Variants in CAMKMT observed in about 807,000 individuals in gnomAD.
CAMKMT encodes calmodulin-lysine N-methyltransferase.
In CAMKMT, 53 loss-of-function variants were observed where a neutral mutation model predicts 48.0. That is an observed-to-expected ratio of 1.10 (90% CI 0.89 to 1.39). The LOEUF is 1.39. Among genes scored for constraint, CAMKMT ranks in the 40% most tolerant of loss-of-function variants. CAMKMT has a pLI of 0.00. For missense variants in CAMKMT, 428 were observed against 402.7 expected, an observed-to-expected ratio of 1.06 and a Z score of -0.54; for synonymous variants, 165 against 152.3, an observed-to-expected ratio of 1.08 and a Z score of -0.61.
intron 3 of CAMKMT, among the ~76,000 whole-genome samples, chr2:44,542,602 A>G (rs550469538): frequency 2.0e-5 from 3 of 152,204 alleles, no homozygotes; most frequent in Non-Finnish European, 4.4e-5. Context: ...GTGTAAAGAA[A>G]CTTGGCTGGC....
At chr2:44,487,481 G>GC (rs1669269659) in intron 3 of CAMKMT, among the ~76,000 whole-genome samples, 1 of 152,130 alleles carries the variant, frequency 6.6e-6, no homozygotes, top group Non-Finnish European at 1.5e-5. Context: ...CCACTGACAT[G>GC]CTTTCTGTCA....
intron 7 of CAMKMT, among the ~76,000 whole-genome samples, chr2:44,731,268 G>A (rs1011081061): frequency 2.0e-5 from 3 of 152,146 alleles, no homozygotes; most frequent in Non-Finnish European, 4.4e-5. Flanking sequence ...TTGAACCCAG[G>A]GGGCAGAGGT....
At chr2:44,392,624 T>G (rs28533376) in intron 3 of CAMKMT, among the ~76,000 whole-genome samples, 4,193 of 152,112 alleles carry the variant, frequency 0.028, 183 homozygotes, top group African/African-American at 0.094. Context: ...CCCTAAGCTT[T>G]TACCATGTAG....
intron 3 of CAMKMT, among the ~76,000 whole-genome samples, chr2:44,675,072 A>C (rs1016571129): frequency 1.4e-5 from 2 of 146,174 alleles, no homozygotes; most frequent in African/African-American, 5.1e-5. Context: ...GGATTTACCA[A>C]CCTTAAGGGG....
intron 3 of CAMKMT, among the ~76,000 whole-genome samples, chr2:44,471,887 A>T (rs113064991): frequency 0.014 from 2,161 of 151,978 alleles, 58 homozygotes; most frequent in African/African-American, 0.05. Context: ...CTCCACATAG[A>T]GAAGACTGGT....
intron 3 of CAMKMT, chr2:44,549,671 GAT>G: frequency 3.5e-6 from 2 of 573,680 alleles, no homozygotes; most frequent in East Asian, 5.9e-5. Flanking sequence ...AGAAGATTAT[GAT>G]ACTCTTGCTT....
At chr2:44,526,445 A>G (rs1382145843) in intron 3 of CAMKMT, among the ~76,000 whole-genome samples, 2 of 152,266 alleles carry the variant, frequency 1.3e-5, no homozygotes, top group East Asian at 1.9e-4. Flanking sequence ...AGAAGGCACA[A>G]TCGATTGTCT....
intron 6 of CAMKMT, among the ~76,000 whole-genome samples, chr2:44,707,674 C>T (rs1220072073): frequency 1.3e-5 from 2 of 152,110 alleles, no homozygotes; most frequent in Non-Finnish European, 2.9e-5. Flanking sequence ...ATAGACATCT[C>T]TCATGAAAGG....
At chr2:44,698,428 T>C (rs1208141235) in intron 3 of CAMKMT, among the ~76,000 whole-genome samples, 3 of 152,246 alleles carry the variant, frequency 2.0e-5, no homozygotes, top group Non-Finnish European at 4.4e-5. Context: ...TCCAGACCAC[T>C]GCAATTAAGT....
chr2:44,474,106 GTTC>G (rs775858545), intron 3 of CAMKMT, among the ~76,000 whole-genome samples: 5 of 152,088 alleles, frequency 3.3e-5, no homozygotes, highest in Non-Finnish European at 4.4e-5. Context: ...AAACATCACA[GTTC>G]TTCTTTGGAA....
chr2:44,567,347 G>A (rs1181535449), intron 3 of CAMKMT, among the ~76,000 whole-genome samples: 2 of 152,136 alleles, frequency 1.3e-5, no homozygotes, highest in African/African-American at 2.4e-5. Context: ...ACAGAGCAGT[G>A]GGTGATCTCT....
chr2:44,466,822 G>A (rs1014592170), intron 3 of CAMKMT, among the ~76,000 whole-genome samples: 5 of 152,096 alleles, frequency 3.3e-5, no homozygotes, highest in African/African-American at 1.2e-4. Flanking sequence ...TGAAAGAGCA[G>A]ACAAAACAAC....
intron 3 of CAMKMT, among the ~76,000 whole-genome samples, chr2:44,678,650 T>G (rs188295936): frequency 6.6e-6 from 1 of 152,344 alleles, no homozygotes; most frequent in Non-Finnish European, 1.5e-5. Context: ...AATGGATAAC[T>G]TAGTAGTTCA....
intron 3 of CAMKMT, among the ~76,000 whole-genome samples, chr2:44,445,656 T>TTTTTG: frequency 1.2e-4 from 1 of 8,618 alleles, no homozygotes; most frequent in East Asian, 1.0e-3. Context: ...TTTTTTTTTT[T>TTTTTG]TTTTTTTTTT....
intron 3 of CAMKMT, among the ~76,000 whole-genome samples, chr2:44,519,938 G>A (rs1284453768): frequency 5.3e-5 from 8 of 152,014 alleles, no homozygotes; most frequent in Non-Finnish European, 1.2e-4. Context: ...ATGGCCGGGC[G>A]CGGTGGCTCA....
At chr2:44,552,271 G>C (rs1407649344) in intron 3 of CAMKMT, among the ~76,000 whole-genome samples, 1 of 151,942 alleles carries the variant, frequency 6.6e-6, no homozygotes, top group Non-Finnish European at 1.5e-5. Context: ...ATGATATTTC[G>C]ATTGTACTCA....
At chr2:44,770,490 T>C (rs370658410) in intron 10 of CAMKMT, among the ~76,000 whole-genome samples, 325 of 152,372 alleles carry the variant, frequency 2.1e-3, no homozygotes, top group African/African-American at 7.3e-3. Context: ...TGAGTCTCTG[T>C]ATATTAGTGC....
At chr2:44,419,114 T>G (rs1225029748) in intron 3 of CAMKMT, among the ~76,000 whole-genome samples, 1 of 152,228 alleles carries the variant, frequency 6.6e-6, no homozygotes, top group Admixed American at 6.5e-5. Context: ...CCTTTTGATT[T>G]AAAGTATGTG....
At chr2:44,693,304 A>G (rs1205923448) in intron 3 of CAMKMT, among the ~76,000 whole-genome samples, 1 of 152,216 alleles carries the variant, frequency 6.6e-6, no homozygotes, top group East Asian at 1.9e-4. Flanking sequence ...GTGACTTAAA[A>G]TTCTTAACAT....
Sources: gnomAD v4.1 joint callset for allele counts (sites outside exome capture counted in the v4.1 genomes callset) on GRCh38, gnomAD v4.1.1 for gene constraint, MANE v1.5 for transcripts, NCBI Gene and HGNC (gene_info 2026-07-23, HGNC 2026-07-21) for gene names.